ZBTB37: variants seen among roughly 807,000 people sequenced by gnomAD.
ZBTB37 encodes zinc finger and BTB domain containing 37.
Under a neutral mutation model 37.7 loss-of-function variants are expected in ZBTB37, and 15 were observed. That is an observed-to-expected ratio of 0.40 (90% confidence interval 0.27 to 0.61). ZBTB37 has a LOEUF of 0.61. ZBTB37 is among the 20% of genes least tolerant of loss of function. The pLI is 0.44. For missense variants in ZBTB37, 514 were observed against 641.9 expected (o/e 0.80, Z 2.15); for synonymous variants, 231 against 220.6 (o/e 1.05, Z -0.42).
chr1:173,873,062 A>T (rs958958450), intron 3 of ZBTB37, among the ~76,000 whole-genome samples: 9 of 152,134 alleles, frequency 5.9e-5, no homozygotes, highest in South Asian at 4.1e-4. Context: ...AATCTCCATG[A>T]TCTATATCAA....
rs1166274900 is a variant in ZBTB37, at chr1:173,869,125, G to T, written c.-30+5G>T. On this transcript the variant is annotated splice_donor_5th_base_variant and intron_variant, in intron 2 of 4. Coordinates refer to ENST00000427304, the Ensembl canonical transcript of ZBTB37. ...ACAATAACGCTTTGGAAAAAGGTCA[G>T]ATTGGCTAAAGTTGATTGTTGAAAA... is the stretch of plus-strand genomic sequence containing the variant. 2 of 152,612 alleles carry T rather than the reference G, an allele frequency of 1.3e-5. No individual in the cohort carries two copies. Among genetic ancestry groups the T allele is most frequent in the African/African-American group, 2.4e-5 (1 of 41,460 alleles). 9.5% of individuals were successfully genotyped at this position (152,612 alleles called of 1,614,324 possible). A position where few individuals can be genotyped will look rare whatever the true frequency, so the allele number is the denominator to read the frequency against.
intron 4 of ZBTB37, among the ~76,000 whole-genome samples, chr1:173,876,799 A>G (rs772058067): frequency 1.4e-4 from 22 of 152,210 alleles, no homozygotes; most frequent in Non-Finnish European, 2.6e-4. Context: ...TATGATAGCA[A>G]TGCAGAGGAG....
At chr1:173,888,003 T>C (rs1656696495), downstream of ZBTB37, 1 of 152,224 alleles carries the variant, frequency 6.6e-6, no homozygotes, top group African/African-American at 2.4e-5. Flanking sequence ...GGTTATTTTA[T>C]CTTCTGAAAA....
At chr1:173,872,222 C>T (rs966277512) in intron 3 of ZBTB37, among the ~76,000 whole-genome samples, 1 of 151,988 alleles carries the variant, frequency 6.6e-6, no homozygotes, top group African/African-American at 2.4e-5. Flanking sequence ...GTCCCTGCCC[C>T]CATGCTCAGC....
At chr1:173,889,568 A>G (rs1335881202), downstream of ZBTB37, 1 of 152,228 alleles carries the variant, frequency 6.6e-6, no homozygotes, top group African/African-American at 2.4e-5. Context: ...ATCTATTTTC[A>G]TACTAAGATG....
intron 4 of ZBTB37, among the ~76,000 whole-genome samples, chr1:173,884,153 AT>A (rs1246346820): frequency 0.016 from 2,231 of 141,702 alleles, 38 homozygotes; most frequent in African/African-American, 0.044. Flanking sequence ...AAATCCAAAG[AT>A]TTTTTTTTTT....
exon 4 of ZBTB37, chr1:173,894,795 TG>T (rs1350649287): frequency 2.6e-5 from 4 of 152,230 alleles, no homozygotes; most frequent in East Asian, 1.9e-4. Flanking sequence ...AATGTGTTAA[TG>T]TTTTTTTTGT....
exon 4 of ZBTB37, chr1:173,894,344 TCTC>T (rs1328423039): frequency 3.9e-5 from 6 of 152,162 alleles, no homozygotes; most frequent in East Asian, 1.9e-4. Context: ...TCTGGGCAAT[TCTC>T]CTCCCTGTGA....
exon 3 of ZBTB37, chr1:173,870,443 T>C (rs1387553225): frequency 6.2e-7 from 1 of 1,614,242 alleles, no homozygotes; most frequent in South Asian, 1.1e-5. Flanking sequence ...TCCATTTCAG[T>C]CATCAAGAAC....
chr1:173,877,272 A>G (rs1656031502), intron 4 of ZBTB37, among the ~76,000 whole-genome samples: 1 of 152,098 alleles, frequency 6.6e-6, no homozygotes, highest in African/African-American at 2.4e-5. Context: ...ACTCTACAGT[A>G]TAAACTTGAG....
chr1:173,875,587 A>C (rs1417773250), intron 4 of ZBTB37, among the ~76,000 whole-genome samples: 1 of 152,084 alleles, frequency 6.6e-6, no homozygotes, highest in Middle Eastern at 3.4e-3. Context: ...TCAGCCTCCG[A>C]AAGTGCTGGG....
intron 4 of ZBTB37, among the ~76,000 whole-genome samples, chr1:173,875,116 ATGTGTG>A (rs71111072): frequency 0.12 from 15,878 of 136,976 alleles, 1,060 homozygotes; most frequent in Non-Finnish European, 0.15. Context: ...TCTGATTATT[ATGTGTG>A]TGTGTGTGTG....
exon 4 of ZBTB37, chr1:173,902,499 T>A (rs1572083137): frequency 6.6e-6 from 1 of 152,240 alleles, no homozygotes; most frequent in East Asian, 1.9e-4. Flanking sequence ...ATAGTAAAGA[T>A]GCCTCGGGAA....
At chr1:173,902,849 C>T (rs1223437010) in exon 4 of ZBTB37, 1 of 152,118 alleles carries the variant, frequency 6.6e-6, no homozygotes, top group Non-Finnish European at 1.5e-5. Context: ...TGTAAACACA[C>T]AAGTAATAAC....
chr1:173,898,113 T>C (rs76928726), exon 4 of ZBTB37: 1 of 152,014 alleles, frequency 6.6e-6, no homozygotes, highest in African/African-American at 2.4e-5. Flanking sequence ...TTCTTTTTTT[T>C]TGGGGGGCAG....
chr1:173,871,036 G>A (rs1408359729), exon 3 of ZBTB37: 1 of 1,614,142 alleles, frequency 6.2e-7, no homozygotes, highest in East Asian at 2.2e-5. Flanking sequence ...TGCAGAGGAA[G>A]TAACAGCCAT....
intron 4 of ZBTB37, among the ~76,000 whole-genome samples, chr1:173,875,571 C>T (rs1452998720): frequency 1.3e-5 from 2 of 152,000 alleles, no homozygotes; most frequent in African/African-American, 4.8e-5. Context: ...AGGTGATCCA[C>T]CCACCTCAGC....
At chr1:173,887,197 A>G (rs1357506108), downstream of ZBTB37, 2 of 152,240 alleles carry the variant, frequency 1.3e-5, no homozygotes, top group Non-Finnish European at 1.5e-5. Flanking sequence ...GGTTGAAGAA[A>G]TTCAACACTA....
chr1:173,876,070 G>T (rs908399932), intron 4 of ZBTB37, among the ~76,000 whole-genome samples: 1 of 151,504 alleles, frequency 6.6e-6, no homozygotes, highest in Non-Finnish European at 1.5e-5. Flanking sequence ...GGAATGATGG[G>T]TTTTTTTCTA....
Sources: allele counts gnomAD v4.1 joint callset (sites outside exome capture counted in the v4.1 genomes callset), GRCh38; gene constraint gnomAD v4.1.1; transcripts MANE v1.5; gene names NCBI Gene and HGNC (gene_info 2026-07-23, HGNC 2026-07-21).